Variants in MAP3K4 observed in about 807,000 individuals in gnomAD.
MAP3K4 encodes mitogen-activated protein kinase kinase kinase 4, also known as MAP three kinase 1.
A neutral mutation model predicts 185.6 loss-of-function variants in MAP3K4; 67 were observed. The ratio of observed to expected loss-of-function variants is 0.36; its 90% CI spans 0.30 to 0.44. The LOEUF (loss-of-function observed/expected upper bound fraction) is 0.44. Among genes scored for constraint, MAP3K4 ranks in the 20% least tolerant of loss-of-function variants. The pLI is 1.00. For synonymous variants in MAP3K4, 702 were observed against 710.4 expected, an observed-to-expected ratio of 0.99 and a Z score of 0.19; for missense variants, 1,551 against 1,995.1, an observed-to-expected ratio of 0.78 and a Z score of 4.24.
chr6:161,072,001 A>G (rs1427498792), intron 4 of MAP3K4, among the ~76,000 whole-genome samples: 1 of 152,254 alleles, frequency 6.6e-6, no homozygotes, highest in Non-Finnish European at 1.5e-5. Flanking sequence ...ATGTTGTAAT[A>G]CTTTGAAAAA....
chr6:161,104,582 G>T (rs1007702863), intron 19 of MAP3K4, among the ~76,000 whole-genome samples: 1 of 150,798 alleles, frequency 6.6e-6, no homozygotes, highest in Non-Finnish European at 1.5e-5. Context: ...GTGGTGGTGC[G>T]CGCCTGTAGT....
rs1777708316 is a variant in MAP3K4 at position 161,098,939 on chromosome 6, TC to T, written c.3674+513del. Among the ~76,000 whole-genome samples, 1 of 152,170 alleles carries T rather than the reference TC, an allele frequency of 6.6e-6. No homozygotes were observed. The highest frequency in any genetic ancestry group is 2.4e-5 in the African/African-American group (1 of 41,448). On this transcript the variant is annotated intron_variant, in intron 17 of 26. Coordinates refer to ENST00000392142, the MANE Select transcript of MAP3K4 (RefSeq NM_005922.4). The surrounding 1 kb of genome is among the most constrained non-coding windows in gnomAD (Gnocchi z 4.4). The stretch of plus-strand genomic sequence containing the variant: ...GTTTGTATGTCATATGGAGAACAGA[TC>T]AGTACTTGAGAGAACTCTCAGACAA...
Position 161,093,056 on chromosome 6 carries a change from G to A in MAP3K4, c.3348G>A (p.Leu1116=). The change falls in exon 14 of 27, where the codon TTG becomes TTA. Residue 1116 remains leucine (L), a splice_region_variant and synonymous_variant. Coordinates refer to ENST00000392142, the MANE Select transcript of MAP3K4 (RefSeq NM_005922.4). This position sits in a 1 kb window ranked among gnomAD's most constrained non-coding sequence, Gnocchi z 5.2. Reference sequence around the variant, plus strand: ...CAGCTTTACCAGAAGATGACTTCTTGGTATGGATTATTCTAAAGTTTTTTT... The same window carrying A: ...CAGCTTTACCAGAAGATGACTTCTTAGTATGGATTATTCTAAAGTTTTTTT... ...FISALPEDDF[L]SLQALMNECI... is the part of the protein sequence containing the mutation. The A allele has an allele frequency of 6.2e-7, 1 of 1,604,542 alleles. No individual in the cohort carries two copies. The highest frequency in any genetic ancestry group is 8.5e-7 in the Non-Finnish European group (1 of 1,172,512).
In MAP3K4 at chr6:161,098,284, G is replaced by A. The variant is rs1393802868; in HGVS notation, c.3531G>A (p.Arg1177=). 8.1e-6 allele frequency: 13 copies of A among 1,612,988 alleles called. No homozygotes were observed. The highest frequency in any genetic ancestry group is 4.0e-5 in the African/African-American group (3 of 74,832). Residue 1177 remains arginine (R), a synonymous_variant, in exon 17 of 27, where the codon CGG becomes CGA. Coordinates refer to ENST00000392142, the MANE Select transcript of MAP3K4 (RefSeq NM_005922.4). The surrounding 1 kb of genome is among the most constrained non-coding windows in gnomAD (Gnocchi z 4.4). The stretch of plus-strand genomic sequence containing the variant: ...GCTTTTCTTCTTGTCTTAGCACTCG[G>A]AGCATGCCTTCCGACGCGCGGAGCC... ...IIPTPEGFST[R]SMPSDARSHG... is the part of the protein sequence containing the mutation.
rs913988651 is a variant in MAP3K4, at chr6:161,115,927, T to G, written c.4806+625T>G. Among the ~76,000 whole-genome samples, 7 of 151,804 alleles carry G rather than the reference T, an allele frequency of 4.6e-5. No individual in the cohort carries two copies. Among genetic ancestry groups the G allele is most frequent in the African/African-American group, 1.7e-4 (7 of 41,286 alleles). On this transcript the variant is annotated intron_variant, in intron 26 of 26. Transcript: ENST00000392142. This position sits in a 1 kb window ranked among gnomAD's most constrained non-coding sequence, Gnocchi z 6.0. ...AGTAACCAGGAGCAACATGAAGGAGTTTCCATTTTATTATAAACATAAATG... is the reference window on the plus strand; with the variant it reads ...AGTAACCAGGAGCAACATGAAGGAGGTTCCATTTTATTATAAACATAAATG...
In MAP3K4 at chr6:161,076,433, C is replaced by T. The variant is rs991544299; in HGVS notation, c.2097+2821C>T. ...CTGTGACCTTGGGGGCTTTACTCTGCGTTAGGACATCCACTGTACTCGAAA... is the reference window on the plus strand; with the variant it reads ...CTGTGACCTTGGGGGCTTTACTCTGTGTTAGGACATCCACTGTACTCGAAA... On this transcript the variant is annotated intron_variant, in intron 5 of 26. Transcript: ENST00000392142. This position sits in a 1 kb window ranked among gnomAD's most constrained non-coding sequence, Gnocchi z 4.2. 6.6e-6 allele frequency among the ~76,000 whole-genome samples: 1 copy of T among 152,164 alleles called. No homozygotes were observed. The highest frequency in any genetic ancestry group is 2.4e-5 in the African/African-American group (1 of 41,432).
At chr6:161,085,411 C>T (rs372814418) in intron 7 of MAP3K4, among the ~76,000 whole-genome samples, 2 of 152,024 alleles carry the variant, frequency 1.3e-5, no homozygotes, top group Non-Finnish European at 2.9e-5. Flanking sequence ...GTATTTAGGT[C>T]GAAACTTTTG....
At position 161,087,878 on chromosome 6, in the gene MAP3K4, G is replaced by C. The variant is rs1477066452; in HGVS notation, c.2747G>C (p.Ser916Thr). Residue 916 changes from serine (S) to threonine (T), a missense_variant, in exon 10 of 27, where the codon AGC becomes ACC. Ser to Thr is a moderately conservative substitution (Grantham distance 58). Around this residue, in one of 16 missense-constraint regions of MAP3K4, gnomAD observed 261 missense variants for 306.5 expected, o/e 0.85. Coordinates refer to ENST00000392142, the MANE Select transcript of MAP3K4 (RefSeq NM_005922.4). The surrounding 1 kb of genome is among the most constrained non-coding windows in gnomAD (Gnocchi z 4.9). ...HGDRARDSED[S>T]WGTWEAQPVK... ...GATCGAGCCCGTGATTCAGAGGACA[G>C]CTGGGGCACCTGGGAGGCACAGCCT... 1.2e-6 allele frequency: 2 copies of C among 1,614,066 alleles called. No homozygotes were observed. Among genetic ancestry groups the C allele is most frequent in the African/African-American group, 2.7e-5 (2 of 74,930 alleles).
At chr6:161,099,208 A>T (rs781210271) in intron 17 of MAP3K4, among the ~76,000 whole-genome samples, 3 of 152,322 alleles carry the variant, frequency 2.0e-5, no homozygotes, top group Non-Finnish European at 4.4e-5. Context: ...GGGGTATGTG[A>T]TCTAAAAAGA....
At position 161,037,362 on chromosome 6, in the gene MAP3K4, G is replaced by A. The variant is rs1208183820; in HGVS notation, c.343+2913G>A. Among the ~76,000 whole-genome samples, 6 of 152,136 alleles carry A rather than the reference G, an allele frequency of 3.9e-5. No homozygotes were observed. Among genetic ancestry groups the A allele is most frequent in the African/African-American group, 1.2e-4 (5 of 41,436 alleles). ...TCTGTAAAATCATCTGCCTTATAGTGTTGTTAGGATTATGTATTCAGTATT... is the reference window on the plus strand; with the variant it reads ...TCTGTAAAATCATCTGCCTTATAGTATTGTTAGGATTATGTATTCAGTATT... On this transcript the variant is annotated intron_variant, in intron 2 of 26. Transcript: ENST00000392142. The surrounding 1 kb of genome is among the most constrained non-coding windows in gnomAD (Gnocchi z 4.2).
At position 161,009,470 on chromosome 6, in the gene MAP3K4, C is replaced by A. The variant is rs577088266; in HGVS notation, c.152+17387C>A. 2.6e-5 allele frequency among the ~76,000 whole-genome samples: 4 copies of A among 152,274 alleles called. No individual in the cohort carries two copies. In the South Asian group the frequency reaches 8.3e-4, roughly 32 times the overall value. On this transcript the variant is annotated intron_variant, in intron 1 of 26. Coordinates refer to ENST00000392142, the MANE Select transcript of MAP3K4 (RefSeq NM_005922.4). ...TCATGAATTTAACTACTCTAGATAT[C>A]TCATGTAAGTGGAATCAGAGCATTT...
rs1203306424 is a variant in MAP3K4, at chr6:161,098,854, CTA to C, written c.3674+429_3674+430del. Among the ~76,000 whole-genome samples the C allele has an allele frequency of 6.6e-6, 1 of 152,052 alleles. No individual in the cohort carries two copies. Among genetic ancestry groups the C allele is most frequent in the African/African-American group, 2.4e-5 (1 of 41,400 alleles). On this transcript the variant is annotated intron_variant, in intron 17 of 26. Coordinates refer to ENST00000392142, the MANE Select transcript of MAP3K4 (RefSeq NM_005922.4). The surrounding 1 kb of genome is among the most constrained non-coding windows in gnomAD (Gnocchi z 4.4). ...AAGATCAGTTTTCTAGCCAAATACT[CTA>C]TTTTAAATAATTGTTGATTAGAAGT...
chr6:161,047,117 C>CAT (rs3050257), intron 2 of MAP3K4, among the ~76,000 whole-genome samples: 7,325 of 134,832 alleles, frequency 0.054, 243 homozygotes, highest in Middle Eastern at 0.1. Context: ...TTCACTTATG[C>CAT]ATATATATAT....
chr6:161,038,076 T>C (rs953915858), intron 2 of MAP3K4, among the ~76,000 whole-genome samples: 1 of 152,140 alleles, frequency 6.6e-6, no homozygotes, highest in Non-Finnish European at 1.5e-5. Context: ...CTTTCTCTCC[T>C]CACTTCCTTT....
In MAP3K4 at chr6:161,077,802, T is replaced by C. The variant is rs970439682; in HGVS notation, c.2098-3079T>C. Reference sequence around the variant, plus strand: ...GAAGATGTGAGTCCGGTGAGGAGTTTTAAATTGGGCTGAGGGCATTTGAAA... The same window carrying C: ...GAAGATGTGAGTCCGGTGAGGAGTTCTAAATTGGGCTGAGGGCATTTGAAA... On this transcript the variant is annotated intron_variant, in intron 5 of 26. Coordinates refer to ENST00000392142, the MANE Select transcript of MAP3K4 (RefSeq NM_005922.4). This position sits in a 1 kb window ranked among gnomAD's most constrained non-coding sequence, Gnocchi z 4.3. Among the ~76,000 whole-genome samples the C allele has an allele frequency of 6.6e-6, 1 of 152,076 alleles. No homozygotes were observed. Among genetic ancestry groups the C allele is most frequent in the Non-Finnish European group, 1.5e-5 (1 of 68,012 alleles).
rs183359956 is a variant in MAP3K4, at chr6:161,075,703, C to T, written c.2097+2091C>T. The stretch of plus-strand genomic sequence containing the variant: ...GCCAGTTTCTGTGCCATTGGTGAGC[C>T]TGTGTGATAGTGGAAGTCTAGGCTA... On this transcript the variant is annotated intron_variant, in intron 5 of 26. Coordinates refer to ENST00000392142, the MANE Select transcript of MAP3K4 (RefSeq NM_005922.4). This position sits in a 1 kb window ranked among gnomAD's most constrained non-coding sequence, Gnocchi z 4.3. Among the ~76,000 whole-genome samples the T allele has an allele frequency of 4.6e-3, 702 of 152,270 alleles. 7 individuals carry two copies. Among genetic ancestry groups the T allele is most frequent in the African/African-American group, 0.016 (673 of 41,544 alleles).
Position 160,991,769 on chromosome 6 carries a change from G to A in MAP3K4, c.-163G>A, listed in dbSNP as rs1780700286. On this transcript the variant is annotated 5_prime_UTR_variant, in exon 1 of 27. Coordinates refer to ENST00000392142, the MANE Select transcript of MAP3K4 (RefSeq NM_005922.4). This position sits in a 1 kb window ranked among gnomAD's most constrained non-coding sequence, Gnocchi z 5.7. ...CCTCGCCGCCCACCGTAGCCCCGGC[G>A]CTCGGCCGGTCGCCGTTTCCAAGAT... 1 of 751,186 alleles carries A rather than the reference G, an allele frequency of 1.3e-6. No individual in the cohort carries two copies. Among genetic ancestry groups the A allele is most frequent in the Non-Finnish European group, 1.9e-6 (1 of 521,244 alleles). 46.5% of individuals were successfully genotyped at this position (751,186 alleles called of 1,614,324 possible).
rs1362305435 is a variant in MAP3K4, at chr6:161,111,965, A to C, written c.4519+7A>C. 14 of 1,613,636 alleles carry C rather than the reference A, an allele frequency of 8.7e-6. No individual in the cohort carries two copies. The highest frequency in any genetic ancestry group is 1.0e-5 in the Non-Finnish European group (12 of 1,179,772). On this transcript the variant is annotated splice_region_variant and intron_variant, in intron 24 of 26. Transcript: ENST00000392142. Reference sequence around the variant, plus strand: ...AGCACCCTGGGGACAGCAGGTAGGGACCAGCCTGGTTGTTCTTTGCACTCT... The same window carrying C: ...AGCACCCTGGGGACAGCAGGTAGGGCCCAGCCTGGTTGTTCTTTGCACTCT...
At chr6:161,104,432 AAGC>A (rs1042978537) in intron 19 of MAP3K4, among the ~76,000 whole-genome samples, 3 of 148,176 alleles carry the variant, frequency 2.0e-5, no homozygotes, top group Non-Finnish European at 3.0e-5. Context: ...AAAAAAAAAA[AAGC>A]AGGCACAGTG....
Sources: allele counts gnomAD v4.1 joint callset (sites outside exome capture counted in the v4.1 genomes callset), GRCh38; gene constraint gnomAD v4.1.1; regional missense constraint gnomAD v4.1.1; non-coding constraint Gnocchi (gnomAD v3.1); transcripts MANE v1.5; gene names NCBI Gene and HGNC (gene_info 2026-07-23, HGNC 2026-07-21).